Variants in RASSF3 observed in about 807,000 individuals in gnomAD.
RASSF3 encodes Ras association domain family member 3.
In RASSF3, 19 loss-of-function variants were observed where a neutral mutation model predicts 19.9. That is an observed-to-expected ratio of 0.96 (90% CI 0.67 to 1.40). RASSF3 has a LOEUF of 1.40. RASSF3 is among the 40% of genes most tolerant of loss of function. The pLI is 0.00. For synonymous variants in RASSF3, 110 were observed against 104.2 expected (o/e 1.06, Z -0.34); for missense variants, 306 against 289.8 (o/e 1.06, Z -0.41).
chr12:64,508,679 G>C (rs376502453), intron 1 of RASSF3, among the ~76,000 whole-genome samples: 2 of 152,234 alleles, frequency 1.3e-5, no homozygotes, highest in African/African-American at 4.8e-5. Context: ...GAGGTCGGGA[G>C]TTCAAGACCA....
At chr12:64,599,782 C>A (rs749169884) in intron 2 of RASSF3, among the ~76,000 whole-genome samples, 41 of 152,158 alleles carry the variant, frequency 2.7e-4, no homozygotes, top group Non-Finnish European at 5.3e-4. Flanking sequence ...CCTGTAATCC[C>A]AGCACTTTGG....
upstream of RASSF3, chr12:64,609,504 A>G (rs1870262834): frequency 6.6e-6 from 1 of 152,258 alleles, no homozygotes; most frequent in Non-Finnish European, 1.5e-5. Flanking sequence ...CAGCTTCAAA[A>G]AAACCTTTCA....
chr12:64,653,859 T>C (rs1402956025), intron 1 of RASSF3, among the ~76,000 whole-genome samples: 1 of 152,030 alleles, frequency 6.6e-6, no homozygotes, highest in African/African-American at 2.4e-5. Context: ...TAACGGTGTC[T>C]TTAACAGCTC....
At chr12:64,658,338 A>G (rs1239653607) in intron 1 of RASSF3, among the ~76,000 whole-genome samples, 2 of 152,152 alleles carry the variant, frequency 1.3e-5, no homozygotes, top group Non-Finnish European at 2.9e-5. Flanking sequence ...GCCCATCAGC[A>G]TGAGGTTTTC....
intron 1 of RASSF3, among the ~76,000 whole-genome samples, chr12:64,653,152 T>C (rs923059478): frequency 6.6e-6 from 1 of 152,200 alleles, no homozygotes; most frequent in Non-Finnish European, 1.5e-5. Context: ...CGTTGCAGCC[T>C]TGATCTTCCA....
At chr12:64,587,627 CTT>C (rs1869835651) in intron 2 of RASSF3, among the ~76,000 whole-genome samples, 1 of 152,138 alleles carries the variant, frequency 6.6e-6, no homozygotes, top group Non-Finnish European at 1.5e-5. Flanking sequence ...GTCTTCCTCT[CTT>C]TTTCACTTGC....
intron 2 of RASSF3, among the ~76,000 whole-genome samples, chr12:64,566,565 T>C (rs1286014485): frequency 2.0e-5 from 3 of 152,062 alleles, no homozygotes; most frequent in Admixed American, 6.5e-5. Context: ...ATTGTCAAAA[T>C]TACCAAGAGT....
chr12:64,559,529 A>G (rs940150109), intron 2 of RASSF3, among the ~76,000 whole-genome samples: 4 of 151,948 alleles, frequency 2.6e-5, no homozygotes, highest in African/African-American at 9.7e-5. Context: ...TCGGCCTCCC[A>G]AAGTGCTGGG....
Position 64,582,078 on chromosome 12 carries a change from C to T in RASSF3, c.294+40373C>T, listed in dbSNP as rs1869712500. Reference sequence around the variant, plus strand: ...GTTGCCCAGGTGGGGGTCTCAAATTCCTGGGCACAAGTGATCCTCTCACCT... The same window carrying T: ...GTTGCCCAGGTGGGGGTCTCAAATTTCTGGGCACAAGTGATCCTCTCACCT... On this transcript the variant is annotated intron_variant, in intron 2 of 5. Transcript: ENST00000637125. Among the ~76,000 whole-genome samples the T allele has an allele frequency of 2.0e-5, 3 of 152,046 alleles. No individual in the cohort carries two copies. The South Asian group carries it at 6.2e-4, about 32-fold the overall frequency.
chr12:64,560,959 A>AGAGTCTGTATTAGTAAAGAAT (rs879265867), intron 2 of RASSF3, among the ~76,000 whole-genome samples: 5 of 152,218 alleles, frequency 3.3e-5, no homozygotes, highest in Non-Finnish European at 5.9e-5. Flanking sequence ...CGTCATTAAA[A>AGAGTCTGTATTAGTAAAGAAT]GAGTCTGTAT....
At chr12:64,515,591 C>A (rs1278517421) in intron 1 of RASSF3, 1 of 152,196 alleles carries the variant, frequency 6.6e-6, no homozygotes, top group Non-Finnish European at 1.5e-5. Context: ...TGGGGAACAT[C>A]TAGCAGCTTT....
intron 1 of RASSF3, chr12:64,630,055 G>C (rs562773302): frequency 6.6e-6 from 1 of 151,472 alleles, no homozygotes; most frequent in South Asian, 2.1e-4. Context: ...GCAAATAACA[G>C]CACCAAATTC....
At chr12:64,594,352 G>A (rs1869967462) in intron 2 of RASSF3, among the ~76,000 whole-genome samples, 1 of 152,048 alleles carries the variant, frequency 6.6e-6, no homozygotes, top group Non-Finnish European at 1.5e-5. Flanking sequence ...AAGGGGTGGG[G>A]TGTGGGGCAT....
chr12:64,575,528 C>A (rs1455991034), intron 2 of RASSF3: 1 of 152,194 alleles, frequency 6.6e-6, no homozygotes, highest in African/African-American at 2.4e-5. Flanking sequence ...ATGGCCACTG[C>A]ACTCCAGCCC....
chr12:64,664,722 G>A (rs961372018), intron 1 of RASSF3, among the ~76,000 whole-genome samples: 2 of 152,000 alleles, frequency 1.3e-5, no homozygotes, highest in African/African-American at 2.4e-5. Flanking sequence ...ACCAAGCACC[G>A]GCACTTTCCA....
intron 2 of RASSF3, among the ~76,000 whole-genome samples, chr12:64,563,585 C>A (rs1375503877): frequency 2.0e-5 from 3 of 152,240 alleles, no homozygotes; most frequent in Non-Finnish European, 4.4e-5. Context: ...CTAGCCCCTG[C>A]CTACCTTGCT....
rs17100543 is a variant in RASSF3, at chr12:64,669,923, T to A, written c.112-14864T>A. On this transcript the variant is annotated intron_variant, in intron 1 of 4. Coordinates refer to ENST00000542104, the MANE Select transcript of RASSF3 (RefSeq NM_178169.4). ...AAAAAAAAAAAAAAATTGCTGGCAA[T>A]CTGCTTTCCAGGGCAGATGGAGGGT... Among the ~76,000 whole-genome samples the A allele has an allele frequency of 4.3e-3, 643 of 149,562 alleles. 6 individuals carry two copies. Among genetic ancestry groups the A allele is most frequent in the African/African-American group, 0.015 (624 of 40,748 alleles).
At chr12:64,605,074 C>A (rs1414991798) in intron 2 of RASSF3, among the ~76,000 whole-genome samples, 1 of 151,984 alleles carries the variant, frequency 6.6e-6, no homozygotes, top group Non-Finnish European at 1.5e-5. Flanking sequence ...CAACCTCCAC[C>A]TCCCTGGTTC....
intron 1 of RASSF3, among the ~76,000 whole-genome samples, chr12:64,614,226 C>T (rs1357160104): frequency 5.3e-5 from 8 of 151,302 alleles, no homozygotes; most frequent in African/African-American, 1.9e-4. Context: ...CTCCGTCTCC[C>T]GCGTGCAAAC....
Sources: allele counts gnomAD v4.1 joint callset (sites outside exome capture counted in the v4.1 genomes callset), GRCh38; gene constraint gnomAD v4.1.1; transcripts MANE v1.5; gene names NCBI Gene and HGNC (gene_info 2026-07-23, HGNC 2026-07-21).